The following EVPL variants were observed in gnomAD, a reference collection of about 807,000 sequenced individuals.
EVPL encodes the protein 210 kDa cornified envelope precursor protein.
Under a neutral mutation model 129.7 loss-of-function variants are expected in EVPL, and 94 were observed. The observed-to-expected ratio is 0.72, with a 90% CI of 0.61 to 0.86. The LOEUF (loss-of-function observed/expected upper bound fraction) is 0.86. Among genes scored for constraint, EVPL ranks in the 40% least tolerant of loss-of-function variants. The pLI is 0.00. For synonymous variants in EVPL, 1,172 were observed against 1,191.1 expected (o/e 0.98, Z 0.33); for missense variants, 2,625 against 2,721.1 (o/e 0.96, Z 0.79).
At position 76,007,875 on chromosome 17, in the gene EVPL, G is replaced by A. The variant is rs1042614433; in HGVS notation, c.5330C>T (p.Ala1777Val). The stretch of plus-strand genomic sequence containing the variant: ...CTTGGTCTCCCCAGCTACAAGCAGC[G>A]CAAACTCGGAGATGGGCAGGTGGCC... ...KDGHLPISEFALLVAGETKPS... is the reference protein window; with the variant it reads ...KDGHLPISEFVLLVAGETKPS... The change falls in exon 22 of 22, where the codon GCG becomes GTG. Residue 1777 changes from alanine to valine, a missense_variant. Ala to Val is a moderately conservative substitution (Grantham distance 64, BLOSUM62 0). Coordinates refer to ENST00000301607, the MANE Select transcript of EVPL (RefSeq NM_001988.4). This position sits in a 1 kb window ranked among gnomAD's most constrained non-coding sequence, Gnocchi z 8.8. 20 of 1,613,844 alleles carry A rather than the reference G, an allele frequency of 1.2e-5. No homozygotes were observed. Among genetic ancestry groups the A allele is most frequent in the East Asian group, 1.1e-4 (5 of 44,866 alleles).
intron 9 of EVPL, among the ~76,000 whole-genome samples, chr17:76,020,382 C>T (rs1015980316): frequency 2.0e-5 from 3 of 152,160 alleles, no homozygotes; most frequent in Admixed American, 6.5e-5. Flanking sequence ...TGAAGGGCAC[C>T]GTCACCTGCC....
rs2066361907 is a variant in EVPL at position 76,009,895 on chromosome 17, C to A, written c.3310G>T (p.Ala1104Ser). Residue 1104 changes from alanine (A) to serine (S), a missense_variant, in exon 22 of 22, where the codon GCG (alanine) becomes TCG (serine). By Grantham distance (99) the Ala-to-Ser change is moderately conservative. Coordinates refer to ENST00000301607, the MANE Select transcript of EVPL (RefSeq NM_001988.4). The surrounding 1 kb of genome is among the most constrained non-coding windows in gnomAD (Gnocchi z 5.9). ...GCCTCCTCCGCCTGCTTCCTCCGCG[C>A]AGCATCCTCCTCCATCTGCAGCCTC... ...ALRLQMEEDA[A>S]RRKQAEEAVA... 3.1e-6 allele frequency: 5 copies of A among 1,614,018 alleles called. No individual in the cohort carries two copies. In the African/African-American group the frequency reaches 4.0e-5, roughly 13 times the overall value.
Position 76,014,898 on chromosome 17 carries a change from G to A in EVPL, c.2222+18C>T, listed in dbSNP as rs376601650. The A allele has an allele frequency of 1.8e-5, 28 of 1,568,750 alleles. No homozygotes were observed. The African/African-American group carries it at 3.5e-4, about 20-fold the overall frequency. On this transcript the variant is annotated intron_variant, in intron 17 of 21. Transcript: ENST00000301607. Reference sequence around the variant, plus strand: ...TGCACCAGCCCACACCCTGTGCCCCGAGGACCCAGTCGCTCACCGCAGGTC... The same window carrying A: ...TGCACCAGCCCACACCCTGTGCCCCAAGGACCCAGTCGCTCACCGCAGGTC...
chr17:76,021,925 A>G lies in EVPL; in HGVS notation c.749T>C (p.Leu250Pro). The G allele has an allele frequency of 6.4e-7, 1 of 1,558,894 alleles. No individual in the cohort carries two copies. Reference protein sequence around the residue: ...SALAEQQRRILQQDWSDLMAD... With the variant: ...SALAEQQRRIPQQDWSDLMAD... ...CATGAGGTCGCTCCAGTCCTGCTGC[A>G]GGATGCGGCGCTGCTGCTCAGCCAG... The change falls in exon 7 of 22, where the codon CTG becomes CCG. Residue 250 changes from leucine (L) to proline (P), a missense_variant. By Grantham distance (98) the Leu-to-Pro change is moderately conservative. This residue lies in a region of EVPL where 1,024 missense variants were observed against 997.5 expected (regional missense o/e 1.03). Transcript: ENST00000301607.
In EVPL at chr17:76,007,550, C is replaced by T; in HGVS notation, c.5655G>A (p.Arg1885=). ...ERYSVHKAME[R]GLIENTSTQR... ...GTGTGGAGGTGTTCTCGATCAGGCC[C>T]CTCTCCATCGCCTTGTGCACAGAGT... Residue 1885 remains arginine, a synonymous_variant, in exon 22 of 22, where the codon AGG becomes AGA. Transcript: ENST00000301607. This position sits in a 1 kb window ranked among gnomAD's most constrained non-coding sequence, Gnocchi z 8.8. 1 of 1,614,040 alleles carries T rather than the reference C, an allele frequency of 6.2e-7. No homozygotes were observed.
intron 11 of EVPL, 114 bp from the exon 12 acceptor site, chr17:76,018,714 A>T: frequency 7.8e-7 from 1 of 1,285,796 alleles, no homozygotes; most frequent in Non-Finnish European, 1.1e-6. Context: ...GAACAGGGAC[A>T]AGAGTAGGGT....
At position 76,018,179 on chromosome 17, in the gene EVPL, G is replaced by A. The variant is rs895607887; in HGVS notation, c.1519C>T (p.Leu507Phe). 2 of 1,551,042 alleles carry A rather than the reference G, an allele frequency of 1.3e-6. No homozygotes were observed. Among genetic ancestry groups the A allele is most frequent in the Non-Finnish European group, 8.7e-7 (1 of 1,146,866 alleles). The stretch of plus-strand genomic sequence containing the variant: ...TGGGTACCCTGCTGGCTGGGCCGAA[G>A]AGACTCCACAGCACTGGCCTTCAGG... Reference protein sequence around the residue: ...SRLKASAVESLRPSQQAPSGS... With the variant: ...SRLKASAVESFRPSQQAPSGS... Residue 507 changes from leucine to phenylalanine, a missense_variant, in exon 13 of 22, where the codon CTT (leucine) becomes TTT (phenylalanine). Leu to Phe is a conservative substitution (Grantham distance 22). Transcript: ENST00000301607.
At position 76,007,183 on chromosome 17, in the gene EVPL, G is replaced by C; in HGVS notation, c.6022C>G (p.Leu2008Val). The change falls in exon 22 of 22, where the codon CTG (leucine) becomes GTG (valine). Residue 2008 changes from leucine (L) to valine (V), a missense_variant. By Grantham distance (32) the Leu-to-Val change is conservative. Coordinates refer to ENST00000301607, the MANE Select transcript of EVPL (RefSeq NM_001988.4). The surrounding 1 kb of genome is among the most constrained non-coding windows in gnomAD (Gnocchi z 8.8). ...GRCRKDPLSG[L>V]LLLPAALEGY... is the part of the protein sequence containing the mutation. The stretch of plus-strand genomic sequence containing the variant: ...TCCAGTGCCGCTGGCAGGAGCAGCA[G>C]GCCGCTCAGGGGGTCTTTGCGGCAG... 1 of 1,520,684 alleles carries C rather than the reference G, an allele frequency of 6.6e-7. No individual in the cohort carries two copies. The highest frequency in any genetic ancestry group is 1.4e-5 in the African/African-American group (1 of 72,044). The allele number at this position is 1,520,684 out of a possible 1,614,324, so 94.2% of individuals were successfully genotyped here. A position where few individuals can be genotyped will look rare whatever the true frequency, so the allele number is the denominator to read the frequency against.
rs760985604 is a variant in EVPL, at chr17:76,015,374, G to C, written c.1890-9C>G. 1.2e-6 allele frequency: 2 copies of C among 1,603,084 alleles called. No individual in the cohort carries two copies. Among genetic ancestry groups the C allele is most frequent in the African/African-American group, 1.3e-5 (1 of 74,950 alleles). On this transcript the variant is annotated splice_polypyrimidine_tract_variant and intron_variant, in intron 15 of 21. Transcript: ENST00000301607. The stretch of plus-strand genomic sequence containing the variant: ...CCAGGGCAGCCTTGGCTCTGCCGCA[G>C]AGGAGGCAAGGCTCAGACACTCCCT...
chr17:76,019,726 C>T (rs2066444415), intron 9 of EVPL, 73 bp from the exon 10 acceptor site: 3 of 1,529,478 alleles, frequency 2.0e-6, no homozygotes, highest in African/African-American at 2.8e-5. Context: ...ACCAGCTGAA[C>T]CTAAGCCAGC....
At chr17:76,025,537 C>T (rs1402938235) in intron 1 of EVPL, among the ~76,000 whole-genome samples, 1 of 152,218 alleles carries the variant, frequency 6.6e-6, no homozygotes, top group Non-Finnish European at 1.5e-5. Context: ...TCCTCAGGTC[C>T]CGCCTCCTGG....
At position 76,008,792 on chromosome 17, in the gene EVPL, G is replaced by A. The variant is rs756740512; in HGVS notation, c.4413C>T (p.Asp1471=). 2 of 1,614,152 alleles carry A rather than the reference G, an allele frequency of 1.2e-6. No homozygotes were observed. Among genetic ancestry groups the A allele is most frequent in the South Asian group, 2.2e-5 (2 of 91,084 alleles). The part of the protein sequence containing the change: ...IMEEVVKLEK[D]PDLEKSTEAL... Reference sequence around the variant, plus strand: ...CTTCCGTGGACTTCTCCAGGTCCGGGTCCTTCTCCAGCTTGACCACTTCCT... The same window carrying A: ...CTTCCGTGGACTTCTCCAGGTCCGGATCCTTCTCCAGCTTGACCACTTCCT... The change falls in exon 22 of 22, where the codon GAC becomes GAT. Residue 1471 remains aspartate, a synonymous_variant. Coordinates refer to ENST00000301607, the MANE Select transcript of EVPL (RefSeq NM_001988.4). The surrounding 1 kb of genome is among the most constrained non-coding windows in gnomAD (Gnocchi z 7.4).
chr17:76,018,555 C>T lies in EVPL; in HGVS notation c.1330G>A (p.Asp444Asn). The T allele has an allele frequency of 6.2e-7, 1 of 1,612,062 alleles. No homozygotes were observed. ...CCCTGCACGACCCAGGCGTGCGGGT[C>T]AGTGTTATCTACCAGCTTATACCGC... is the stretch of plus-strand genomic sequence containing the variant. ...GERYKLVDNT[D>N]PHAWVVQGPG... is the part of the protein sequence containing the mutation. The change falls in exon 12 of 22, where the codon GAC (aspartate) becomes AAC (asparagine). Residue 444 changes from aspartate to asparagine, a missense_variant. Around this residue, in one of 4 missense-constraint regions of EVPL, gnomAD observed 1,024 missense variants for 997.5 expected, o/e 1.03. Transcript: ENST00000301607.
chr17:76,024,268 C>T lies in EVPL; in HGVS notation c.99-148G>A. ...CTTTGGGGTCTCTCTCTGCAGAAGG[C>T]TCTGTGAGCTAGTCCTGGTTGGGGG... On this transcript the variant is annotated intron_variant, in intron 1 of 21. Coordinates refer to ENST00000301607, the MANE Select transcript of EVPL (RefSeq NM_001988.4). This position sits in a 1 kb window ranked among gnomAD's most constrained non-coding sequence, Gnocchi z 4.5. 1.4e-6 allele frequency: 1 copy of T among 720,470 alleles called. No homozygotes were observed. The highest frequency in any genetic ancestry group is 1.7e-5 in the South Asian group (1 of 58,340). The allele number at this position is 720,470 out of a possible 1,614,324, so 44.6% of individuals were successfully genotyped here.
chr17:76,020,760 T>C (rs1468002291), intron 9 of EVPL, among the ~76,000 whole-genome samples: 1 of 152,154 alleles, frequency 6.6e-6, no homozygotes, highest in East Asian at 1.9e-4. Context: ...TCTTGCTATG[T>C]TGCCCAGGCT....
At position 76,010,008 on chromosome 17, in the gene EVPL, C is replaced by G. The variant is rs755133528; in HGVS notation, c.3197G>C (p.Arg1066Thr). The change falls in exon 22 of 22, where the codon AGG becomes ACG. Residue 1066 changes from arginine to threonine, a missense_variant. Arg to Thr is a moderately conservative substitution (Grantham distance 71). This residue lies in a region of EVPL where 1,453 missense variants were observed against 1,511.8 expected (regional missense o/e 0.96). Transcript: ENST00000301607. ...GACCTTCTCCTTCACGTCCACCTCC[C>G]TCTTCTCAAGGGCCAGTAGCTCCTT... The part of the protein sequence containing the change: ...LKKELLALEK[R>T]EVDVKEKVVV... The G allele has an allele frequency of 1.7e-5, 28 of 1,613,498 alleles. No homozygotes were observed. Among genetic ancestry groups the G allele is most frequent in the Non-Finnish European group, 2.3e-5 (27 of 1,180,038 alleles).
Position 76,015,522 on chromosome 17 carries a change from A to G in EVPL, c.1817T>C (p.Leu606Pro). 1 of 1,612,860 alleles carries G rather than the reference A, an allele frequency of 6.2e-7. No homozygotes were observed. Among genetic ancestry groups the G allele is most frequent in the South Asian group, 1.1e-5 (1 of 91,076 alleles). The part of the protein sequence containing the change: ...TRPVGPAALQ[L>P]PVALNSVKNK... ...CTTCACGCTGTTGAGGGCTACGGGC[A>G]GCTGCAGGGCAGCGGGGCCCACGGG... The change falls in exon 15 of 22, where the codon CTG becomes CCG. Residue 606 changes from leucine (L) to proline (P), a missense_variant. Around this residue, in one of 4 missense-constraint regions of EVPL, gnomAD observed 1,024 missense variants for 997.5 expected, o/e 1.03. Transcript: ENST00000301607.
chr17:76,015,242 C>T lies in EVPL; in HGVS notation c.2013G>A (p.Arg671=). The change falls in exon 16 of 22, where the codon AGG becomes AGA. Residue 671 remains arginine (R), a synonymous_variant. Transcript: ENST00000301607. ...GGTCCCTTACCTGCAGCTCGCTGAC[C>T]CTCTCCTGCAGAGCCCCCGGTTCAG... ...IPAEPGALQE[R]VSELQRQRRE... The T allele has an allele frequency of 3.1e-6, 5 of 1,597,210 alleles. No individual in the cohort carries two copies. The highest frequency in any genetic ancestry group is 4.3e-6 in the Non-Finnish European group (5 of 1,175,686).
Position 76,008,520 on chromosome 17 carries a change from TCCCGCAGGCG to T in EVPL, c.4675_4684del (p.Arg1559SerfsTer105). ...CAGCGTCTCGGCCCGGTCAATGCGC[TCCCGCAGGCG>T]CCGTGCCTCCTCCTCCCGGGCCTGC... On this transcript the variant is annotated frameshift_variant, in exon 22 of 22. Coordinates refer to ENST00000301607, the MANE Select transcript of EVPL (RefSeq NM_001988.4). LOFTEE classifies it low-confidence loss of function (END_TRUNC). This position sits in a 1 kb window ranked among gnomAD's most constrained non-coding sequence, Gnocchi z 7.4. 6.2e-7 allele frequency: 1 copy of T among 1,605,824 alleles called. No homozygotes were observed. The highest frequency in any genetic ancestry group is 8.5e-7 in the Non-Finnish European group (1 of 1,179,258).
Sources: allele counts gnomAD v4.1 joint callset (sites outside exome capture counted in the v4.1 genomes callset), GRCh38; gene constraint gnomAD v4.1.1; regional missense constraint gnomAD v4.1.1; non-coding constraint Gnocchi (gnomAD v3.1); transcripts MANE v1.5; gene names NCBI Gene and HGNC (gene_info 2026-07-23, HGNC 2026-07-21).